The following ZDHHC14 variants were observed in gnomAD, a reference collection of about 807,000 sequenced individuals.
The protein encoded by ZDHHC14 is palmitoyltransferase ZDHHC14.
Under a neutral mutation model 47.7 loss-of-function variants are expected in ZDHHC14, and 16 were observed. The ratio of observed to expected loss-of-function variants is 0.34; its 90% confidence interval spans 0.23 to 0.51. The LOEUF is 0.51. Among genes scored for constraint, ZDHHC14 ranks in the 20% least tolerant of loss-of-function variants. The probability of loss-of-function intolerance (pLI) is 0.97; values close to 1 mark genes in which losing one functional copy is unlikely to be tolerated. For synonymous variants in ZDHHC14, 293 were observed against 278.9 expected (o/e 1.05, Z -0.50); for missense variants, 515 against 662.5 (o/e 0.78, Z 2.44).
In ZDHHC14 at chr6:157,542,579, C is replaced by T. The variant is rs528715275; in HGVS notation, c.246-6C>T. On this transcript the variant is annotated splice_region_variant and splice_polypyrimidine_tract_variant and intron_variant, in intron 1 of 8. Coordinates refer to ENST00000359775, the MANE Select transcript of ZDHHC14 (RefSeq NM_024630.3). The stretch of plus-strand genomic sequence containing the variant: ...CTTCTCTCCGGTCTGTCCAACCTGT[C>T]GGCAGCTGTCCGTACCTGGCGGTGA... 71 of 1,613,828 alleles carry T rather than the reference C, an allele frequency of 4.4e-5. No homozygotes were observed. In the South Asian group the frequency reaches 6.4e-4, roughly 14 times the overall value.
intron 1 of ZDHHC14, among the ~76,000 whole-genome samples, chr6:157,412,204 G>A (rs1777884310): frequency 6.6e-6 from 1 of 152,126 alleles, no homozygotes; most frequent in Non-Finnish European, 1.5e-5. Flanking sequence ...CTCCCAAAGT[G>A]CTGGGATTAC....
intron 8 of ZDHHC14, among the ~76,000 whole-genome samples, chr6:157,661,256 G>T (rs1272958816): frequency 6.6e-6 from 1 of 152,216 alleles, no homozygotes; most frequent in Non-Finnish European, 1.5e-5. Flanking sequence ...TGTTGTTGGA[G>T]AAATGGTCTG....
chr6:157,546,904 G>A (rs187141661), intron 2 of ZDHHC14, among the ~76,000 whole-genome samples: 76 of 152,298 alleles, frequency 5.0e-4, no homozygotes, highest in Admixed American at 9.2e-4. Flanking sequence ...AAGTCAATGC[G>A]GAGAGTGAGT....
chr6:157,543,586 C>T (rs1294367737), intron 2 of ZDHHC14, among the ~76,000 whole-genome samples: 2 of 152,222 alleles, frequency 1.3e-5, no homozygotes, highest in African/African-American at 4.8e-5. Context: ...CTGGAGGGAC[C>T]TCCCTGTCTA....
At chr6:157,418,071 C>A (rs1778020404) in intron 1 of ZDHHC14, among the ~76,000 whole-genome samples, 1 of 152,194 alleles carries the variant, frequency 6.6e-6, no homozygotes, top group Non-Finnish European at 1.5e-5. Context: ...ACTTACCCCA[C>A]ATGGTCCCAG....
chr6:157,409,922 G>A (rs2003744), intron 1 of ZDHHC14, among the ~76,000 whole-genome samples: 123,049 of 151,930 alleles, frequency 0.81, 50,311 homozygotes, highest in Middle Eastern at 0.94. Flanking sequence ...TCTGCCTCCC[G>A]GGTTTAAGCG....
intron 1 of ZDHHC14, among the ~76,000 whole-genome samples, chr6:157,495,573 C>A (rs1780042405): frequency 6.6e-6 from 1 of 151,914 alleles, no homozygotes; most frequent in South Asian, 2.1e-4. Context: ...GTTGGATGGC[C>A]ATGGGAGGGT....
At chr6:157,615,278 C>T (rs1784920931) in intron 3 of ZDHHC14, among the ~76,000 whole-genome samples, 1 of 152,216 alleles carries the variant, frequency 6.6e-6, no homozygotes, top group African/African-American at 2.4e-5. Context: ...AAACAGCACA[C>T]TGTATTTAGA....
intron 1 of ZDHHC14, among the ~76,000 whole-genome samples, chr6:157,484,388 AC>A (rs1268737824): frequency 6.7e-4 from 98 of 146,806 alleles, no homozygotes; most frequent in African/African-American, 2.4e-3. Flanking sequence ...ACACATATAT[AC>A]GTATATATAC....
chr6:157,579,918 A>G (rs867238412), intron 2 of ZDHHC14, among the ~76,000 whole-genome samples: 1 of 152,152 alleles, frequency 6.6e-6, no homozygotes. Context: ...GACTTCCAGT[A>G]CTATGTTGAA....
chr6:157,557,527 T>C (rs35500702), intron 2 of ZDHHC14, among the ~76,000 whole-genome samples: 90,128 of 152,010 alleles, frequency 0.59, 27,626 homozygotes, highest in African/African-American at 0.76. Context: ...AGTCGTTGGT[T>C]AGATGTGTCC....
At chr6:157,505,019 A>C (rs1780292453) in intron 1 of ZDHHC14, among the ~76,000 whole-genome samples, 1 of 152,034 alleles carries the variant, frequency 6.6e-6, no homozygotes, top group Admixed American at 6.6e-5. Flanking sequence ...CCTGTTGGCC[A>C]TGCTGGTCTT....
At chr6:157,420,037 G>C (rs150338264) in intron 1 of ZDHHC14, among the ~76,000 whole-genome samples, 1 of 152,198 alleles carries the variant, frequency 6.6e-6, no homozygotes, top group African/African-American at 2.4e-5. Flanking sequence ...TCCTAATGAC[G>C]TGAGACATGG....
intron 8 of ZDHHC14, among the ~76,000 whole-genome samples, chr6:157,654,395 G>A (rs1411851487): frequency 6.6e-6 from 1 of 152,278 alleles, no homozygotes; most frequent in African/African-American, 2.4e-5. Flanking sequence ...TCTCCCTAAA[G>A]TTAGAAGTTC....
At chr6:157,662,328 C>T (rs1319434010) in intron 8 of ZDHHC14, among the ~76,000 whole-genome samples, 1 of 152,042 alleles carries the variant, frequency 6.6e-6, no homozygotes, top group African/African-American at 2.4e-5. Flanking sequence ...ATTACAGGTG[C>T]GCGCCATCAT....
intron 3 of ZDHHC14, among the ~76,000 whole-genome samples, chr6:157,599,278 G>A (rs921624853): frequency 6.6e-6 from 1 of 152,248 alleles, no homozygotes; most frequent in Non-Finnish European, 1.5e-5. Context: ...AGGCTGGGCA[G>A]CCCCGCACGG....
At chr6:157,394,979 A>G (rs1378917655) in intron 1 of ZDHHC14, among the ~76,000 whole-genome samples, 1 of 151,064 alleles carries the variant, frequency 6.6e-6, no homozygotes, top group Non-Finnish European at 1.5e-5. Flanking sequence ...CAGGAGAGAC[A>G]GGGGTTGCAG....
chr6:157,618,015 A>G (rs1455414322), intron 3 of ZDHHC14, among the ~76,000 whole-genome samples: 1 of 152,230 alleles, frequency 6.6e-6, no homozygotes, highest in Non-Finnish European at 1.5e-5. Flanking sequence ...CTAGAGAGTC[A>G]TTGAGAAGTT....
chr6:157,552,878 C>T (rs1782295314), intron 2 of ZDHHC14, among the ~76,000 whole-genome samples: 1 of 152,204 alleles, frequency 6.6e-6, no homozygotes, highest in Non-Finnish European at 1.5e-5. Flanking sequence ...CTAGAGCCAT[C>T]TGCCAAACTA....
Sources: gnomAD v4.1 joint callset for allele counts (sites outside exome capture counted in the v4.1 genomes callset) on GRCh38, gnomAD v4.1.1 for gene constraint, MANE v1.5 for transcripts, NCBI Gene and HGNC (gene_info 2026-07-23, HGNC 2026-07-21) for gene names.